The following SH3BGRL variants were observed in gnomAD, a reference collection of about 807,000 sequenced individuals.
The protein encoded by SH3BGRL is SH3 domain binding glutamate rich protein like.
Under a neutral mutation model 9.8 loss-of-function variants are expected in SH3BGRL, and 7 were observed. That is an observed-to-expected ratio of 0.72 (90% confidence interval 0.41 to 1.35). The LOEUF is 1.35. SH3BGRL is among the 40% of genes most tolerant of loss of function. SH3BGRL has a pLI of 0.01. For synonymous variants in SH3BGRL, 36 were observed against 29.1 expected (o/e 1.24, Z -0.76); for missense variants, 73 against 84.4 (o/e 0.86, Z 0.53).
intron 1 of SH3BGRL, among the ~76,000 whole-genome samples, chrX:81,211,429 CA>C (rs961012980): frequency 2.7e-5 from 3 of 110,471 alleles, no homozygotes; most frequent in Admixed American, 9.6e-5. Flanking sequence ...ACTGAAAATA[CA>C]AAAAAAATTA....
intron 1 of SH3BGRL, among the ~76,000 whole-genome samples, chrX:81,257,802 T>G (rs923859134): frequency 9.0e-6 from 1 of 110,709 alleles, no homozygotes; most frequent in Non-Finnish European, 1.9e-5. Context: ...GTGGGGAACA[T>G]GGTGGGGCCA....
In SH3BGRL at chrX:81,214,914, G is replaced by C. The variant is rs970940822; in HGVS notation, c.45+12669G>C. On this transcript the variant is annotated intron_variant, in intron 1 of 3. Transcript: ENST00000373212. ...ATGGGATGGATTATTTTAGTCATAA[G>C]AAAGTATAACTGATCTAATACTTTA... Among the ~76,000 whole-genome samples, 37 of 111,278 alleles carry C rather than the reference G, an allele frequency of 3.3e-4. 1 individual carries two copies. Among genetic ancestry groups the C allele is most frequent in the Admixed American group, 2.1e-3 (22 of 10,452 alleles).
intron 1 of SH3BGRL, among the ~76,000 whole-genome samples, chrX:81,221,656 G>A (rs2075600481): frequency 9.0e-6 from 1 of 111,591 alleles, no homozygotes; most frequent in Non-Finnish European, 1.9e-5. Flanking sequence ...GGGCCCTGTT[G>A]CTCTAGTGGA....
chrX:81,202,723 G>T (rs1235405975), intron 1 of SH3BGRL: 1 of 190,165 alleles, frequency 5.3e-6, no homozygotes, highest in Non-Finnish European at 8.0e-6. Flanking sequence ...TATTCTGGGT[G>T]AGTGAGACCC....
chrX:81,204,163 G>C (rs886948642), intron 1 of SH3BGRL, among the ~76,000 whole-genome samples: 21 of 112,005 alleles, frequency 1.9e-4, no homozygotes, highest in African/African-American at 6.5e-4. Context: ...TTTGTCATGA[G>C]TAGTTAGAAA....
intron 3 of SH3BGRL, among the ~76,000 whole-genome samples, chrX:81,292,309 A>T (rs1429959316): frequency 1.8e-5 from 2 of 112,013 alleles, no homozygotes; most frequent in African/African-American, 6.5e-5. Flanking sequence ...CATCATGTGG[A>T]AGTACCCAAG....
intron 1 of SH3BGRL, among the ~76,000 whole-genome samples, chrX:81,209,463 CT>C (rs2075557131): frequency 9.0e-6 from 1 of 110,735 alleles, no homozygotes; most frequent in African/African-American, 3.3e-5. Flanking sequence ...TTCATTTTAC[CT>C]AATTGGAGGG....
At chrX:81,290,015 A>G (rs182261687) in intron 3 of SH3BGRL, among the ~76,000 whole-genome samples, 3 of 112,317 alleles carry the variant, frequency 2.7e-5, no homozygotes, top group Admixed American at 9.4e-5. Context: ...GCAAATAAAA[A>G]CTACAATGAG....
chrX:81,257,323 A>G (rs1317658496), intron 1 of SH3BGRL, among the ~76,000 whole-genome samples: 1 of 112,303 alleles, frequency 8.9e-6, no homozygotes, highest in Non-Finnish European at 1.9e-5. Flanking sequence ...AGGATTTGAG[A>G]TTCAAATGCA....
At chrX:81,263,930 A>G (rs1317910027) in intron 1 of SH3BGRL, among the ~76,000 whole-genome samples, 2 of 108,960 alleles carry the variant, frequency 1.8e-5, no homozygotes, top group East Asian at 5.8e-4. Context: ...AAGCGGAGGC[A>G]TGTGCTGTAT....
chrX:81,252,879 A>G (rs1158128294), intron 1 of SH3BGRL, among the ~76,000 whole-genome samples: 1 of 104,034 alleles, frequency 9.6e-6, no homozygotes, highest in African/African-American at 3.5e-5. Context: ...TATACTTACT[A>G]CTAATATTGA....
chrX:81,258,711 T>C (rs759553170), intron 1 of SH3BGRL, among the ~76,000 whole-genome samples: 1 of 112,312 alleles, frequency 8.9e-6, no homozygotes, highest in South Asian at 3.7e-4. Context: ...CTCAGGATAC[T>C]GCCTTACCCT....
At chrX:81,203,249 T>C (rs1315114700) in intron 1 of SH3BGRL, among the ~76,000 whole-genome samples, 1 of 111,901 alleles carries the variant, frequency 8.9e-6, no homozygotes, top group Admixed American at 9.5e-5. Flanking sequence ...TTCCCTCTTC[T>C]TGAGCTTTAG....
At chrX:81,256,786 TAAG>T (rs1427566663) in intron 1 of SH3BGRL, among the ~76,000 whole-genome samples, 7 of 112,386 alleles carry the variant, frequency 6.2e-5, no homozygotes, top group Admixed American at 9.4e-5. Flanking sequence ...GACAGCAGCT[TAAG>T]AAACATTTTA....
chrX:81,292,244 C>T (rs1412633024), intron 3 of SH3BGRL, among the ~76,000 whole-genome samples: 3 of 112,143 alleles, frequency 2.7e-5, no homozygotes, highest in African/African-American at 9.7e-5. Flanking sequence ...CCTCTGAAAT[C>T]TAGGCCGTGA....
intron 1 of SH3BGRL, among the ~76,000 whole-genome samples, chrX:81,268,769 C>A (rs767055702): frequency 1.8e-4 from 20 of 111,243 alleles, no homozygotes; most frequent in African/African-American, 5.9e-4. Context: ...TCCTGGATAT[C>A]CTTGTTAATT....
chrX:81,217,388 T>A (rs1265690743), intron 1 of SH3BGRL, among the ~76,000 whole-genome samples: 1 of 110,727 alleles, frequency 9.0e-6, no homozygotes, highest in Non-Finnish European at 1.9e-5. Context: ...CTTTTTGATG[T>A]AGGCCTTTAA....
intron 3 of SH3BGRL, among the ~76,000 whole-genome samples, chrX:81,291,209 A>G (rs2075856991): frequency 8.9e-6 from 1 of 111,779 alleles, no homozygotes; most frequent in African/African-American, 3.3e-5. Flanking sequence ...TCACACTGCT[A>G]TAAACAACTA....
At chrX:81,295,845 G>C (rs1208237083) in intron 3 of SH3BGRL, among the ~76,000 whole-genome samples, 2 of 111,188 alleles carry the variant, frequency 1.8e-5, no homozygotes, top group African/African-American at 6.5e-5. Context: ...AAGTCTCTAG[G>C]AAGCTCCAAA....
Sources: allele counts gnomAD v4.1 joint callset (sites outside exome capture counted in the v4.1 genomes callset), GRCh38; gene constraint gnomAD v4.1.1; transcripts MANE v1.5; gene names NCBI Gene and HGNC (gene_info 2026-07-23, HGNC 2026-07-21).